The following CARMIL1 variants were observed in gnomAD, a reference collection of about 807,000 sequenced individuals.
CARMIL1 encodes capping protein regulator and myosin 1 linker 1.
CARMIL1 carries 90 observed loss-of-function variants against 177.1 expected under a neutral mutation model. The observed-to-expected ratio is 0.51, with a 90% CI of 0.43 to 0.61. The LOEUF (loss-of-function observed/expected upper bound fraction) is 0.61, where lower values mean the gene tolerates loss of function less well. Among genes scored for constraint, CARMIL1 ranks in the 20% least tolerant of loss-of-function variants. The probability of loss-of-function intolerance (pLI) is 0.00; values close to 1 mark genes in which losing one functional copy is unlikely to be tolerated. For synonymous variants in CARMIL1, 577 were observed against 606.2 expected (o/e 0.95, Z 0.71); for missense variants, 1,380 against 1,667.0 (o/e 0.83, Z 3.00).
At chr6:25,347,385 T>A (rs17678852) in intron 2 of CARMIL1, among the ~76,000 whole-genome samples, 38,386 of 152,224 alleles carry the variant, frequency 0.25, 6,053 homozygotes, top group Non-Finnish European at 0.35. Context: ...GGCTATTGCA[T>A]GTAACTATAA....
chr6:25,323,420 CAAAA>C (rs11288797), intron 2 of CARMIL1, among the ~76,000 whole-genome samples: 1 of 82,374 alleles, frequency 1.2e-5, no homozygotes, highest in South Asian at 3.9e-4. Flanking sequence ...CCTGTCTCTA[CAAAA>C]AAAAAAAAAA....
intron 2 of CARMIL1, among the ~76,000 whole-genome samples, chr6:25,306,504 C>T (rs4712905): frequency 3.9e-5 from 6 of 151,982 alleles, no homozygotes; most frequent in East Asian, 1.9e-4. Flanking sequence ...TCCTCCCCCC[C>T]ACTTTTATTG....
chr6:25,427,126 A>G (rs1315344202), intron 4 of CARMIL1, among the ~76,000 whole-genome samples: 1 of 152,118 alleles, frequency 6.6e-6, no homozygotes, highest in Non-Finnish European at 1.5e-5. Context: ...TACAATGTAT[A>G]CTTCTTCCTG....
At chr6:25,612,434 T>C (rs1032906102) in intron 36 of CARMIL1, 2 of 152,224 alleles carry the variant, frequency 1.3e-5, no homozygotes, top group Non-Finnish European at 2.9e-5. Context: ...GATTATTCCA[T>C]AGTGAATGTG....
At position 25,577,017 on chromosome 6, in the gene CARMIL1, C is replaced by T. The variant is rs947005035; in HGVS notation, c.2743-3907C>T. The T allele has an allele frequency of 1.5e-5, 15 of 985,046 alleles. No homozygotes were observed. The highest frequency in any genetic ancestry group is 5.2e-4 in the Middle Eastern group (1 of 1,936). 61.0% of individuals were successfully genotyped at this position (985,046 alleles called of 1,614,324 possible). On this transcript the variant is annotated intron_variant, in intron 29 of 36. Transcript: ENST00000329474. The surrounding 1 kb of genome is among the most constrained non-coding windows in gnomAD (Gnocchi z 4.5). Reference sequence around the variant, plus strand: ...GTGTAAGTATTTTTTGGTGGCTCTGCGGTTTCTGGCTGTACTACTTTATAT... The same window carrying T: ...GTGTAAGTATTTTTTGGTGGCTCTGTGGTTTCTGGCTGTACTACTTTATAT...
At chr6:25,470,678 C>G (rs1336747158) in intron 9 of CARMIL1, among the ~76,000 whole-genome samples, 1 of 152,140 alleles carries the variant, frequency 6.6e-6, no homozygotes, top group Non-Finnish European at 1.5e-5. Flanking sequence ...CTCCAGCAGA[C>G]TTGGTGTCTG....
intron 2 of CARMIL1, among the ~76,000 whole-genome samples, chr6:25,396,341 C>T (rs184868725): frequency 3.3e-5 from 5 of 150,842 alleles, no homozygotes; most frequent in African/African-American, 1.2e-4. Context: ...AAATAAATAT[C>T]ATGTTTTAAT....
chr6:25,302,744 A>T (rs1782962167), intron 2 of CARMIL1, among the ~76,000 whole-genome samples: 1 of 152,334 alleles, frequency 6.6e-6, no homozygotes, highest in South Asian at 2.1e-4. Context: ...AGAATGGCCA[A>T]CTGCAAACAG....
At chr6:25,598,644 A>T (rs1209594705) in intron 32 of CARMIL1, among the ~76,000 whole-genome samples, 1 of 151,962 alleles carries the variant, frequency 6.6e-6, no homozygotes, top group African/African-American at 2.4e-5. Flanking sequence ...AGATTTCCTC[A>T]GTTGTATCTT....
chr6:25,383,894 A>C (rs1246641352), intron 2 of CARMIL1, among the ~76,000 whole-genome samples: 5 of 152,120 alleles, frequency 3.3e-5, no homozygotes, highest in African/African-American at 1.2e-4. Context: ...GCTAGAGTGC[A>C]GTGGTGTGAT....
chr6:25,562,637 A>G (rs1403865147), intron 29 of CARMIL1, among the ~76,000 whole-genome samples: 1 of 152,188 alleles, frequency 6.6e-6, no homozygotes, highest in East Asian at 1.9e-4. Flanking sequence ...TTTCCCTCTT[A>G]TTGCAGTTAT....
At chr6:25,450,297 A>G (rs1461417438) in intron 6 of CARMIL1, 42 bp from the exon 7 acceptor site, 3 of 1,398,554 alleles carry the variant, frequency 2.1e-6, no homozygotes, top group South Asian at 2.3e-5. Flanking sequence ...TTTAAACATC[A>G]TTTTGCCAAA....
rs762379518 is a variant in CARMIL1 at position 25,556,730 on chromosome 6, C to G, written c.2622C>G (p.Thr874=). ...ACCATTTCAGCAGACGTGGCAAGAC[C>G]CTTCCTCAACAAGAATCCTTAGAGA... is the stretch of plus-strand genomic sequence containing the variant. The part of the protein sequence containing the change: ...LADHFSRRGK[T]LPQQESLEIE... The change falls in exon 29 of 37, where the codon ACC becomes ACG. Residue 874 remains threonine (T), a synonymous_variant. Transcript: ENST00000329474. The G allele has an allele frequency of 1.9e-6, 3 of 1,613,212 alleles. No individual in the cohort carries two copies. The African/African-American group carries it at 4.0e-5, about 22-fold the overall frequency.
At chr6:25,562,612 C>A (rs1332884927) in intron 29 of CARMIL1, among the ~76,000 whole-genome samples, 1 of 152,090 alleles carries the variant, frequency 6.6e-6, no homozygotes, top group Non-Finnish European at 1.5e-5. Flanking sequence ...CACAGGCTAC[C>A]CAAGAGACAA....
At chr6:25,325,909 C>T (rs1360354681) in intron 2 of CARMIL1, among the ~76,000 whole-genome samples, 3 of 151,858 alleles carry the variant, frequency 2.0e-5, no homozygotes, top group East Asian at 1.9e-4. Flanking sequence ...CTTGCTCTGT[C>T]GCCAGGCTTT....
chr6:25,412,612 G>A (rs572774098), intron 2 of CARMIL1, among the ~76,000 whole-genome samples: 4 of 152,242 alleles, frequency 2.6e-5, no homozygotes, highest in African/African-American at 7.2e-5. Flanking sequence ...CACAGGAAAG[G>A]TTTAGTAATT....
chr6:25,602,895 C>A (rs1815579433), intron 33 of CARMIL1, among the ~76,000 whole-genome samples: 1 of 152,132 alleles, frequency 6.6e-6, no homozygotes, highest in African/African-American at 2.4e-5. Flanking sequence ...TGACACTTTT[C>A]ATTTATTGAC....
At chr6:25,450,602 TG>T in intron 7 of CARMIL1, 35 bp from the exon 8 acceptor site, 1 of 1,269,360 alleles carries the variant, frequency 7.9e-7, no homozygotes, top group Non-Finnish European at 1.1e-6. Context: ...GTCATCTGCA[TG>T]GACTGATGAC....
chr6:25,561,152 G>A (rs1811076688), intron 29 of CARMIL1, among the ~76,000 whole-genome samples: 1 of 152,196 alleles, frequency 6.6e-6, no homozygotes, highest in Admixed American at 6.5e-5. Context: ...TAGGAAATCA[G>A]TATTCTGAAC....
Sources: gnomAD v4.1 joint callset for allele counts (sites outside exome capture counted in the v4.1 genomes callset) on GRCh38, gnomAD v4.1.1 for gene constraint, Gnocchi (gnomAD v3.1) non-coding constraint, MANE v1.5 for transcripts, NCBI Gene and HGNC (gene_info 2026-07-23, HGNC 2026-07-21) for gene names.